The following RCAN2 variants were observed in gnomAD, a reference collection of about 807,000 sequenced individuals.
The protein encoded by RCAN2 is calcipressin-2.
Under a neutral mutation model 23.6 loss-of-function variants are expected in RCAN2, and 9 were observed. The ratio of observed to expected loss-of-function variants is 0.38; its 90% CI spans 0.23 to 0.67. The LOEUF (loss-of-function observed/expected upper bound fraction) is 0.67, where lower values mean the gene tolerates loss of function less well. Among genes scored for constraint, RCAN2 ranks in the 30% least tolerant of loss-of-function variants. The probability of loss-of-function intolerance (pLI) is 0.51; values close to 1 mark genes in which losing one functional copy is unlikely to be tolerated. For missense variants in RCAN2, 273 were observed against 302.3 expected, an observed-to-expected ratio of 0.90 and a Z score of 0.72; for synonymous variants, 109 against 115.7, an observed-to-expected ratio of 0.94 and a Z score of 0.37.
chr6:46,387,065 C>A (rs978919131), intron 2 of RCAN2, among the ~76,000 whole-genome samples: 1 of 152,164 alleles, frequency 6.6e-6, no homozygotes, highest in Non-Finnish European at 1.5e-5. Flanking sequence ...AAAGTTGAAA[C>A]TGGATCCCTT....
chr6:46,267,039 C>A (rs1009527953), intron 2 of RCAN2, among the ~76,000 whole-genome samples: 49 of 152,182 alleles, frequency 3.2e-4, no homozygotes, highest in African/African-American at 1.1e-3. Context: ...AAAAACAGGT[C>A]TAGGATAAGT....
At chr6:46,406,528 C>T (rs1184867349) in intron 2 of RCAN2, among the ~76,000 whole-genome samples, 2 of 152,184 alleles carry the variant, frequency 1.3e-5, no homozygotes, top group African/African-American at 4.8e-5. Context: ...GCCTTCAAGG[C>T]ATTAATGATT....
intron 2 of RCAN2, among the ~76,000 whole-genome samples, chr6:46,393,754 T>G (rs1247754552): frequency 6.6e-6 from 1 of 152,114 alleles, no homozygotes. Flanking sequence ...GCCAACCACC[T>G]ATTACTTTTT....
At chr6:46,281,605 T>C (rs919593168) in intron 2 of RCAN2, among the ~76,000 whole-genome samples, 1 of 152,214 alleles carries the variant, frequency 6.6e-6, no homozygotes, top group East Asian at 1.9e-4. Context: ...AATTAGCCTA[T>C]AGAAAATGGG....
Position 46,365,767 on chromosome 6 carries a change from T to A in RCAN2, c.225+90985A>T, listed in dbSNP as rs548380605. ...CTCTTTTATTGTAAATCATCAGGTA[T>A]CTTGCTCTTAGCTAGTTATTTGATG... On this transcript the variant is annotated intron_variant, in intron 2 of 4. Transcript: ENST00000371374. Among the ~76,000 whole-genome samples the A allele has an allele frequency of 4.6e-5, 7 of 152,364 alleles. No individual in the cohort carries two copies. The South Asian group carries it at 1.2e-3, about 27-fold the overall frequency.
chr6:46,485,644 C>T (rs192950594), intron 1 of RCAN2, among the ~76,000 whole-genome samples: 12 of 152,302 alleles, frequency 7.9e-5, no homozygotes, highest in South Asian at 2.1e-4. Flanking sequence ...CTGTCACTCA[C>T]GCTTGATGTA....
chr6:46,432,014 A>G (rs1433378563), intron 2 of RCAN2, among the ~76,000 whole-genome samples: 1 of 152,228 alleles, frequency 6.6e-6, no homozygotes, highest in Admixed American at 6.5e-5. Context: ...TGACTAAGAT[A>G]GAAGGCTTAC....
chr6:46,453,991 T>G (rs1411643823), intron 2 of RCAN2, among the ~76,000 whole-genome samples: 1 of 152,232 alleles, frequency 6.6e-6, no homozygotes, highest in Admixed American at 6.5e-5. Flanking sequence ...TCCAGGCTGC[T>G]GAATACATCT....
intron 2 of RCAN2, among the ~76,000 whole-genome samples, chr6:46,263,022 C>T (rs1188255351): frequency 2.0e-5 from 3 of 152,198 alleles, no homozygotes; most frequent in Non-Finnish European, 4.4e-5. Context: ...CCATCATTAA[C>T]TGGATTACAA....
chr6:46,474,217 G>A (rs919911067), intron 1 of RCAN2, among the ~76,000 whole-genome samples: 1 of 152,002 alleles, frequency 6.6e-6, no homozygotes, highest in Admixed American at 6.6e-5. Context: ...AGGGTAGTGG[G>A]GGGTAGCTGG....
intron 2 of RCAN2, among the ~76,000 whole-genome samples, chr6:46,373,209 G>A (rs1240324497): frequency 6.6e-6 from 1 of 152,158 alleles, no homozygotes; most frequent in South Asian, 2.1e-4. Flanking sequence ...AAGCTACGGG[G>A]TCAAGAAACA....
rs544357336 is a variant in RCAN2 at position 46,451,701 on chromosome 6, G to C, written c.225+5051C>G. Among the ~76,000 whole-genome samples, 6 of 152,240 alleles carry C rather than the reference G, an allele frequency of 3.9e-5. No homozygotes were observed. The East Asian group carries it at 9.6e-4, about 24-fold the overall frequency. ...CAGCTGAACTTGAGAAGAAGAAATTGGTTCAGATTTAGTGGATATGCTGAA... is the reference window on the plus strand; with the variant it reads ...CAGCTGAACTTGAGAAGAAGAAATTCGTTCAGATTTAGTGGATATGCTGAA... On this transcript the variant is annotated intron_variant, in intron 2 of 4. Coordinates refer to ENST00000371374, the MANE Select transcript of RCAN2 (RefSeq NM_001251974.2).
At chr6:46,442,454 A>C (rs1390689382) in intron 2 of RCAN2, among the ~76,000 whole-genome samples, 1 of 152,174 alleles carries the variant, frequency 6.6e-6, no homozygotes, top group East Asian at 1.9e-4. Flanking sequence ...GCAAGACATT[A>C]TTTTTACAAA....
At chr6:46,473,048 G>A (rs1332143985) in intron 1 of RCAN2, among the ~76,000 whole-genome samples, 1 of 152,128 alleles carries the variant, frequency 6.6e-6, no homozygotes, top group African/African-American at 2.4e-5. Context: ...AAGTGACAAT[G>A]TGATTTTCCT....
At chr6:46,435,748 A>G (rs1056067226) in intron 2 of RCAN2, among the ~76,000 whole-genome samples, 1 of 152,248 alleles carries the variant, frequency 6.6e-6, no homozygotes, top group African/African-American at 2.4e-5. Context: ...GGAAAGCAAA[A>G]CAGGAAGGCA....
At chr6:46,348,092 C>T (rs182387149) in intron 2 of RCAN2, among the ~76,000 whole-genome samples, 4 of 152,200 alleles carry the variant, frequency 2.6e-5, no homozygotes, top group South Asian at 4.1e-4. Flanking sequence ...AGATTTCCAT[C>T]GATGGCATAT....
chr6:46,298,269 G>T (rs1425151786), intron 2 of RCAN2, among the ~76,000 whole-genome samples: 1 of 152,024 alleles, frequency 6.6e-6, no homozygotes, highest in African/African-American at 2.4e-5. Context: ...TCAGCCAAAA[G>T]TCACCCGTAG....
At chr6:46,305,144 C>A (rs756496148) in intron 2 of RCAN2, among the ~76,000 whole-genome samples, 1 of 152,110 alleles carries the variant, frequency 6.6e-6, no homozygotes, top group Non-Finnish European at 1.5e-5. Context: ...TGCCTGGCTC[C>A]TTCCATGCTA....
chr6:46,405,321 AAGCTTCCACAGGGTGGAAGG>A (rs1561892234), intron 2 of RCAN2, among the ~76,000 whole-genome samples: 1 of 152,056 alleles, frequency 6.6e-6, no homozygotes, highest in African/African-American at 2.4e-5. Flanking sequence ...GGAAAGAACA[AAGCTTCCACAGGGTGGAAGG>A]GGACCCGAGC....
Sources: allele counts gnomAD v4.1 joint callset (sites outside exome capture counted in the v4.1 genomes callset), GRCh38; gene constraint gnomAD v4.1.1; transcripts MANE v1.5; gene names NCBI Gene and HGNC (gene_info 2026-07-23, HGNC 2026-07-21).